ZRANB3: variants seen among roughly 807,000 people sequenced by gnomAD.
ZRANB3 encodes zinc finger RANBP2-type containing 3.
A neutral mutation model predicts 133.8 loss-of-function variants in ZRANB3; 125 were observed. The ratio of observed to expected loss-of-function variants is 0.93; its 90% CI spans 0.81 to 1.08. The LOEUF (loss-of-function observed/expected upper bound fraction) is 1.08, where lower values mean the gene tolerates loss of function less well. ZRANB3 is among the 50% of genes least tolerant of loss of function. The pLI, the probability that ZRANB3 is intolerant of heterozygous loss-of-function variation, is 0.00. For missense variants in ZRANB3, 1,229 were observed against 1,275.5 expected, an observed-to-expected ratio of 0.96 and a Z score of 0.56; for synonymous variants, 387 against 432.7, an observed-to-expected ratio of 0.89 and a Z score of 1.31.
rs147663887 is a variant in ZRANB3 at position 135,342,030 on chromosome 2, T to G, written c.677+3520A>C. Among the ~76,000 whole-genome samples the G allele has an allele frequency of 7.7e-3, 1,162 of 150,120 alleles. 123 individuals carry two copies. The highest frequency in any genetic ancestry group is 0.028 in the African/African-American group (1,093 of 39,422). On this transcript the variant is annotated intron_variant, in intron 6 of 20. Coordinates refer to ENST00000264159, the MANE Select transcript of ZRANB3 (RefSeq NM_032143.4). ...GATATTTTATTGCCCTTGAAGCATG[T>G]GATCTCTGTGACCCACAGCCTATTC...
At chr2:135,207,360 T>C in intron 19 of ZRANB3, 74 bp downstream of exon 19, 1 of 1,471,660 alleles carries the variant, frequency 6.8e-7, no homozygotes, top group Non-Finnish European at 9.1e-7. Context: ...CATGTTAAAA[T>C]GTACAAAATA....
chr2:135,317,784 G>C (rs1421291577), intron 6 of ZRANB3, among the ~76,000 whole-genome samples: 1 of 152,130 alleles, frequency 6.6e-6, no homozygotes, highest in Non-Finnish European at 1.5e-5. Context: ...GCCACTAGTT[G>C]ATCCTAAGCG....
intron 6 of ZRANB3, among the ~76,000 whole-genome samples, chr2:135,321,989 T>TA (rs967037145): frequency 2.4e-4 from 37 of 152,260 alleles, no homozygotes; most frequent in Admixed American, 6.5e-4. Flanking sequence ...GTGCCCCATC[T>TA]AAAAAAATCC....
At chr2:135,393,185 A>G (rs547065470) in intron 2 of ZRANB3, among the ~76,000 whole-genome samples, 1 of 152,232 alleles carries the variant, frequency 6.6e-6, no homozygotes. Context: ...ATATCTTTAC[A>G]AAAAATAAAA....
At chr2:135,379,621 G>C (rs1217106980) in intron 3 of ZRANB3, among the ~76,000 whole-genome samples, 1 of 152,104 alleles carries the variant, frequency 6.6e-6, no homozygotes, top group Non-Finnish European at 1.5e-5. Context: ...GAGAGATTTT[G>C]TCACCACCAG....
chr2:135,526,865 C>G (rs1694184650), intron 1 of ZRANB3, among the ~76,000 whole-genome samples: 1 of 152,198 alleles, frequency 6.6e-6, no homozygotes. Flanking sequence ...AACTTGGTCT[C>G]CACAATCCTT....
rs918845590 is a variant in ZRANB3 at position 135,327,533 on chromosome 2, T to G, written c.678-12003A>C. ...TAGAGAATAATATTAATTTATTTAG[T>G]CCATTAATTTAATATACTTAGTCAA... On this transcript the variant is annotated intron_variant, in intron 6 of 20. Transcript: ENST00000264159. 2.0e-5 allele frequency among the ~76,000 whole-genome samples: 3 copies of G among 152,154 alleles called. No homozygotes were observed. In the East Asian group the frequency reaches 5.8e-4, roughly 29 times the overall value.
At chr2:135,301,051 C>T (rs915757647) in intron 8 of ZRANB3, among the ~76,000 whole-genome samples, 1 of 152,150 alleles carries the variant, frequency 6.6e-6, no homozygotes, top group South Asian at 2.1e-4. Context: ...TCCTCTGTCA[C>T]CCAGGCTAGA....
rs370569566 is a variant in ZRANB3, at chr2:135,202,969, A to G, written c.3010-6T>C. ...TTTCTTATCATTTCATTTAGCTGCAATAAGAATACAAGATCAGCAATTTTC... is the reference window on the plus strand; with the variant it reads ...TTTCTTATCATTTCATTTAGCTGCAGTAAGAATACAAGATCAGCAATTTTC... On this transcript the variant is annotated splice_polypyrimidine_tract_variant and splice_region_variant and intron_variant, in intron 19 of 20. Transcript: ENST00000264159. 6.2e-7 allele frequency: 1 copy of G among 1,610,818 alleles called. No individual in the cohort carries two copies. The highest frequency in any genetic ancestry group is 1.3e-5 in the African/African-American group (1 of 74,912).
intron 8 of ZRANB3, among the ~76,000 whole-genome samples, chr2:135,289,189 G>A (rs1456209601): frequency 6.6e-6 from 1 of 152,080 alleles, no homozygotes; most frequent in East Asian, 1.9e-4. Context: ...TTGACTCAGT[G>A]ATCATTCAGG....
At chr2:135,441,240 C>T (rs1019566383) in intron 2 of ZRANB3, among the ~76,000 whole-genome samples, 4 of 152,144 alleles carry the variant, frequency 2.6e-5, no homozygotes, top group African/African-American at 9.6e-5. Flanking sequence ...AAGAGAAAAA[C>T]AATTTATTAT....
At chr2:135,223,755 T>C (rs1002061229) in intron 15 of ZRANB3, among the ~76,000 whole-genome samples, 1 of 152,192 alleles carries the variant, frequency 6.6e-6, no homozygotes, top group Non-Finnish European at 1.5e-5. Context: ...GGGTACTGAA[T>C]CTAAAAAGTT....
chr2:135,512,820 T>C (rs986350118), intron 1 of ZRANB3, among the ~76,000 whole-genome samples: 2 of 151,944 alleles, frequency 1.3e-5, no homozygotes, highest in Non-Finnish European at 2.9e-5. Flanking sequence ...CAAAAACTGA[T>C]AAAAATAAAA....
intron 2 of ZRANB3, among the ~76,000 whole-genome samples, chr2:135,406,174 T>C (rs999676624): frequency 1.3e-5 from 2 of 151,982 alleles, no homozygotes; most frequent in African/African-American, 2.4e-5. Flanking sequence ...CAAACTACCA[T>C]AGGAGAATAC....
At chr2:135,518,061 G>A (rs981985380) in intron 1 of ZRANB3, among the ~76,000 whole-genome samples, 7 of 152,256 alleles carry the variant, frequency 4.6e-5, no homozygotes, top group African/African-American at 1.7e-4. Context: ...TACACCGTGA[G>A]GGGAAAACCG....
chr2:135,350,238 T>A, intron 4 of ZRANB3, 23 bp from the exon 5 acceptor site: 1 of 1,513,010 alleles, frequency 6.6e-7, no homozygotes. Flanking sequence ...ATCCATGTAC[T>A]TAAAAAATAT....
chr2:135,269,714 T>C (rs1022263719), intron 10 of ZRANB3, among the ~76,000 whole-genome samples: 1 of 152,174 alleles, frequency 6.6e-6, no homozygotes. Flanking sequence ...GACATAAAAA[T>C]ATTAACTAAG....
At chr2:135,387,144 C>T (rs1444796686) in intron 3 of ZRANB3, among the ~76,000 whole-genome samples, 4 of 151,600 alleles carry the variant, frequency 2.6e-5, no homozygotes, top group South Asian at 4.2e-4. Flanking sequence ...AGTGAGTATT[C>T]AAGAGTTTAT....
intron 6 of ZRANB3, among the ~76,000 whole-genome samples, chr2:135,340,067 T>C (rs1055115760): frequency 2.6e-5 from 4 of 151,812 alleles, no homozygotes; most frequent in Non-Finnish European, 4.4e-5. Flanking sequence ...GAATTTATTG[T>C]TGTGTAAGAA....
Sources: allele counts gnomAD v4.1 joint callset (sites outside exome capture counted in the v4.1 genomes callset), GRCh38; gene constraint gnomAD v4.1.1; transcripts MANE v1.5; gene names NCBI Gene and HGNC (gene_info 2026-07-23, HGNC 2026-07-21).